The following LNPEP variants were observed in gnomAD, a reference collection of about 807,000 sequenced individuals.
LNPEP encodes the protein leucyl and cystinyl aminopeptidase.
In LNPEP, 64 loss-of-function variants were observed where a neutral mutation model predicts 120.6. The ratio of observed to expected loss-of-function variants is 0.53; its 90% CI spans 0.43 to 0.65. The LOEUF is 0.65. LNPEP is among the 30% of genes least tolerant of loss of function. LNPEP has a pLI of 0.00. For synonymous variants in LNPEP, 435 were observed against 425.4 expected (o/e 1.02, Z -0.28); for missense variants, 1,057 against 1,200.0 (o/e 0.88, Z 1.76).
chr5:96,986,025 C>T (rs1790234870), intron 3 of LNPEP, among the ~76,000 whole-genome samples: 1 of 152,192 alleles, frequency 6.6e-6, no homozygotes, highest in African/African-American at 2.4e-5. Flanking sequence ...AGGTTGCCTA[C>T]ATTCCCTCAT....
At position 97,006,448 on chromosome 5, in the gene LNPEP, A is replaced by C. The variant is rs756010455; in HGVS notation, c.1968A>C (p.Leu656=). The change falls in exon 11 of 18, where the codon CTA becomes CTC. Residue 656 remains leucine (L), a synonymous_variant. Transcript: ENST00000231368. ...SDTSYLWHIP[L]SYVTEGRNYS... The stretch of plus-strand genomic sequence containing the variant: ...ACAGCTACCTGTGGCATATTCCACT[A>C]TCCTATGTCACTGAAGGAAGAAATT... 1.3e-6 allele frequency: 2 copies of C among 1,580,458 alleles called. No individual in the cohort carries two copies. The highest frequency in any genetic ancestry group is 2.2e-5 in the South Asian group (2 of 90,274).
intron 4 of LNPEP, among the ~76,000 whole-genome samples, chr5:96,989,337 TA>T: frequency 4.5e-5 from 1 of 22,028 alleles, no homozygotes; most frequent in South Asian, 1.5e-3. Flanking sequence ...TAATTATATA[TA>T]ATATATAATA....
chr5:97,027,718 T>C lies in LNPEP; in HGVS notation c.2865-15T>C. On this transcript the variant is annotated splice_polypyrimidine_tract_variant and intron_variant, in intron 16 of 17. Coordinates refer to ENST00000231368, the MANE Select transcript of LNPEP (RefSeq NM_005575.3). Reference sequence around the variant, plus strand: ...GCTGCCTAATCTTTTTGCTCTTGTTTTTGTGTTTCTTCAGGTTCCCTCTGG... The same window carrying C: ...GCTGCCTAATCTTTTTGCTCTTGTTCTTGTGTTTCTTCAGGTTCCCTCTGG... 6 of 1,542,588 alleles carry C rather than the reference T, an allele frequency of 3.9e-6. No homozygotes were observed. The highest frequency in any genetic ancestry group is 5.4e-6 in the Non-Finnish European group (6 of 1,115,786).
Position 96,954,625 on chromosome 5 carries a change from TATATATACATATATAC to T in LNPEP, c.19+18469_19+18484del, listed in dbSNP as rs57979341. Among the ~76,000 whole-genome samples, 4 of 121,386 alleles carry T rather than the reference TATATATACATATATAC, an allele frequency of 3.3e-5. 1 individual carries two copies. The highest frequency in any genetic ancestry group is 1.6e-4 in the Admixed American group (2 of 12,220). 79.6% of individuals were successfully genotyped at this position (121,386 alleles called of 152,430 possible). ...CTCTCTCTCTCTCTCTCTCTATATA[TATATATACATATATAC>T]ATATATACATATATACACATATATA... On this transcript the variant is annotated intron_variant, in intron 1 of 17. Coordinates refer to ENST00000231368, the MANE Select transcript of LNPEP (RefSeq NM_005575.3).
intron 1 of LNPEP, among the ~76,000 whole-genome samples, chr5:96,951,638 CT>C (rs1280918740): frequency 6.6e-6 from 1 of 152,146 alleles, no homozygotes; most frequent in Non-Finnish European, 1.5e-5. Context: ...GGAGTCTTCA[CT>C]TTAGACAGTT....
At chr5:96,944,744 G>A (rs1789147136) in intron 1 of LNPEP, among the ~76,000 whole-genome samples, 1 of 151,068 alleles carries the variant, frequency 6.6e-6, no homozygotes, top group African/African-American at 2.4e-5. Flanking sequence ...TAATTTTTGT[G>A]TTTTTTCAGT....
chr5:96,985,758 G>GTTT (rs535139069), intron 3 of LNPEP, among the ~76,000 whole-genome samples: 16 of 139,284 alleles, frequency 1.1e-4, no homozygotes, highest in Non-Finnish European at 1.6e-4. Context: ...GTCTTTTTTT[G>GTTT]TTTTTTTTTT....
intron 8 of LNPEP, among the ~76,000 whole-genome samples, chr5:97,000,562 A>G (rs559440084): frequency 4.6e-5 from 7 of 152,310 alleles, no homozygotes; most frequent in African/African-American, 1.7e-4. Flanking sequence ...CTTCGTGACT[A>G]GCCCACAGTA....
Position 96,979,616 on chromosome 5 carries a change from C to G in LNPEP, c.498C>G (p.Ile166Met), listed in dbSNP as rs61752351. ...TNGKLFPWAQ[I>M]RLPTAVVPLR... ...GGAAATTGTTTCCATGGGCACAGAT[C>G]AGGCTTCCCACTGCCGTTGTGCCAC... Residue 166 changes from isoleucine to methionine, a missense_variant, in exon 2 of 18, where the codon ATC (isoleucine) becomes ATG (methionine). Physicochemically the swap from Ile to Met is conservative, Grantham distance 10 (BLOSUM62 1). Transcript: ENST00000231368. 28,100 of 1,614,066 alleles carry G rather than the reference C, an allele frequency of 0.017. 279 individuals carry two copies. The highest frequency in any genetic ancestry group is 0.02 in the Non-Finnish European group (23,903 of 1,179,958).
Position 97,033,772 on chromosome 5 carries a change from TG to T in LNPEP, c.*5240del, listed in dbSNP as rs1463242446. On this transcript the variant is annotated 3_prime_UTR_variant, in exon 18 of 18. Transcript: ENST00000231368. ...TGGGGTATATACTTTTGTATATGTA[TG>T]TACATATTTTTATTTCTTTATTATA... 6.6e-6 allele frequency: 1 copy of T among 152,174 alleles called. No individual in the cohort carries two copies. The highest frequency in any genetic ancestry group is 1.5e-5 in the Non-Finnish European group (1 of 68,042). 9.4% of individuals were successfully genotyped at this position (152,174 alleles called of 1,614,324 possible).
intron 1 of LNPEP, among the ~76,000 whole-genome samples, chr5:96,950,211 A>G (rs944060553): frequency 2.6e-5 from 4 of 152,152 alleles, no homozygotes; most frequent in African/African-American, 9.7e-5. Context: ...CAAAATCAAC[A>G]TTAAAGAGTG....
At chr5:96,974,344 TTC>T (rs1789939944) in intron 1 of LNPEP, among the ~76,000 whole-genome samples, 1 of 152,134 alleles carries the variant, frequency 6.6e-6, no homozygotes, top group East Asian at 1.9e-4. Context: ...CACATGCCTC[TTC>T]TCTGTCTTTA....
At chr5:96,943,107 G>A in intron 1 of LNPEP, 1 of 351,864 alleles carries the variant, frequency 2.8e-6, no homozygotes. Flanking sequence ...GACTTCCACA[G>A]TCTTTCTGAG....
chr5:97,013,030 T>C (rs890398788), intron 11 of LNPEP, among the ~76,000 whole-genome samples: 13 of 152,274 alleles, frequency 8.5e-5, no homozygotes, highest in Non-Finnish European at 1.8e-4. Flanking sequence ...GTTCTCTCAC[T>C]GTCTTCCCCT....
At chr5:97,008,271 A>G (rs1790833711) in intron 11 of LNPEP, among the ~76,000 whole-genome samples, 1 of 151,624 alleles carries the variant, frequency 6.6e-6, no homozygotes, top group Non-Finnish European at 1.5e-5. Context: ...TAATTGGGCA[A>G]TAAGAAATCT....
At chr5:97,002,700 A>G (rs1790684502) in intron 8 of LNPEP, among the ~76,000 whole-genome samples, 1 of 152,230 alleles carries the variant, frequency 6.6e-6, no homozygotes, top group Non-Finnish European at 1.5e-5. Context: ...TGTGTAACAG[A>G]TACAGGATGC....
intron 6 of LNPEP, among the ~76,000 whole-genome samples, chr5:96,995,538 G>GT (rs541599896): frequency 0.01 from 1,317 of 129,092 alleles, 10 homozygotes; most frequent in Non-Finnish European, 0.016. Context: ...TTTTTTTTTT[G>GT]TTTTTAAAGA....
At chr5:96,964,796 A>G (rs552948695) in intron 1 of LNPEP, among the ~76,000 whole-genome samples, 1 of 152,306 alleles carries the variant, frequency 6.6e-6, no homozygotes, top group East Asian at 1.9e-4. Flanking sequence ...TGAATTCATT[A>G]TGTTTGAGAT....
intron 3 of LNPEP, among the ~76,000 whole-genome samples, chr5:96,985,608 A>G (rs1790222477): frequency 6.6e-6 from 1 of 152,186 alleles, no homozygotes; most frequent in Admixed American, 6.5e-5. Flanking sequence ...TTATTGGTAA[A>G]TGAAAAACCA....
Sources: allele counts gnomAD v4.1 joint callset (sites outside exome capture counted in the v4.1 genomes callset), GRCh38; gene constraint gnomAD v4.1.1; transcripts MANE v1.5; gene names NCBI Gene and HGNC (gene_info 2026-07-23, HGNC 2026-07-21).